The following EPHA5 variants were observed in gnomAD, a reference collection of about 807,000 sequenced individuals.
EPHA5 encodes the protein EPH receptor A5, also known as ephrin type-A receptor 5.
Under a neutral mutation model 105.0 loss-of-function variants are expected in EPHA5, and 60 were observed. The ratio of observed to expected loss-of-function variants is 0.57; its 90% CI spans 0.46 to 0.71. EPHA5 has a LOEUF of 0.71. EPHA5 is among the 30% of genes least tolerant of loss of function. The pLI is 0.00. For missense variants in EPHA5, 1,218 were observed against 1,274.7 expected (o/e 0.96, Z 0.68); for synonymous variants, 513 against 449.1 (o/e 1.14, Z -1.80).
At chr4:65,522,850 A>G (rs1423385142) in intron 3 of EPHA5, among the ~76,000 whole-genome samples, 2 of 151,954 alleles carry the variant, frequency 1.3e-5, no homozygotes, top group Non-Finnish European at 2.9e-5. Context: ...TCACTTATAC[A>G]ACAGGCCAAA....
At chr4:65,326,031 CAT>C (rs1011724770) in intron 16 of EPHA5, among the ~76,000 whole-genome samples, 3 of 146,248 alleles carry the variant, frequency 2.1e-5, no homozygotes, top group Middle Eastern at 3.6e-3. Flanking sequence ...ATATATATCT[CAT>C]ATATATATGT....
intron 2 of EPHA5, among the ~76,000 whole-genome samples, chr4:65,628,691 T>A (rs916308517): frequency 1.3e-5 from 2 of 152,168 alleles, no homozygotes; most frequent in African/African-American, 4.8e-5. Flanking sequence ...TTTAATGAAG[T>A]GACTATATTT....
intron 8 of EPHA5, among the ~76,000 whole-genome samples, chr4:65,395,921 T>C (rs915048240): frequency 1.3e-5 from 2 of 152,096 alleles, no homozygotes; most frequent in Non-Finnish European, 2.9e-5. Flanking sequence ...GGTGAGGCCA[T>C]GGTTATGCGC....
chr4:65,628,710 T>C (rs67521753), intron 2 of EPHA5, among the ~76,000 whole-genome samples: 31,377 of 152,116 alleles, frequency 0.21, 3,634 homozygotes, highest in Non-Finnish European at 0.25. Flanking sequence ...TTCAGGATTA[T>C]ACTCATGGTT....
At chr4:65,337,316 A>G (rs1464950189) in intron 14 of EPHA5, among the ~76,000 whole-genome samples, 1 of 152,062 alleles carries the variant, frequency 6.6e-6, no homozygotes, top group African/African-American at 2.4e-5. Context: ...ACAAGAATTC[A>G]TTCCTTCTAC....
intron 3 of EPHA5, among the ~76,000 whole-genome samples, chr4:65,595,330 TAAC>T (rs978381901): frequency 1.6e-4 from 24 of 152,046 alleles, no homozygotes; most frequent in African/African-American, 5.1e-4. Context: ...CCTACTACAA[TAAC>T]AACTTATAGA....
rs367668010 is a variant in EPHA5 at position 65,460,689 on chromosome 4, G to T, written c.1402+29688C>A. Reference sequence around the variant, plus strand: ...TAGAGACTTCTAAGTGTTCACAGTAGTTTTTTCAATTGATTTGTATGTATT... The same window carrying T: ...TAGAGACTTCTAAGTGTTCACAGTATTTTTTTCAATTGATTTGTATGTATT... On this transcript the variant is annotated intron_variant, in intron 5 of 16. Transcript: ENST00000613740. 8.6e-5 allele frequency among the ~76,000 whole-genome samples: 13 copies of T among 151,798 alleles called. No individual in the cohort carries two copies. In the South Asian group the frequency reaches 2.7e-3, roughly 31 times the overall value.
At chr4:65,580,683 T>G (rs1330593013) in intron 3 of EPHA5, among the ~76,000 whole-genome samples, 1 of 151,622 alleles carries the variant, frequency 6.6e-6, no homozygotes, top group Non-Finnish European at 1.5e-5. Context: ...TTTACAAAGA[T>G]CTCCCTCCTC....
intron 3 of EPHA5, among the ~76,000 whole-genome samples, chr4:65,578,183 T>C (rs1482557891): frequency 6.6e-6 from 1 of 152,122 alleles, no homozygotes; most frequent in Non-Finnish European, 1.5e-5. Context: ...TCCGAGTTTC[T>C]CATCTAACAC....
chr4:65,468,296 T>C (rs912707212), intron 5 of EPHA5, among the ~76,000 whole-genome samples: 2 of 151,806 alleles, frequency 1.3e-5, no homozygotes, highest in Non-Finnish European at 2.9e-5. Flanking sequence ...TTGAGATGGT[T>C]TGTTACATAT....
chr4:65,415,010 AAAACGTTTTTAT>A (rs1255068701), intron 6 of EPHA5, among the ~76,000 whole-genome samples: 4 of 152,236 alleles, frequency 2.6e-5, no homozygotes, highest in Admixed American at 6.5e-5. Flanking sequence ...GCAGATAAGC[AAAACGTTTTTAT>A]TTATCTTTGA....
intron 2 of EPHA5, among the ~76,000 whole-genome samples, chr4:65,632,028 T>C (rs1746683410): frequency 1.3e-5 from 2 of 152,044 alleles, no homozygotes; most frequent in South Asian, 4.1e-4. Flanking sequence ...GGGTCAGGTA[T>C]TGTGCTAAAC....
At chr4:65,406,313 A>G (rs936301006) in intron 7 of EPHA5, among the ~76,000 whole-genome samples, 2 of 152,182 alleles carry the variant, frequency 1.3e-5, no homozygotes, top group African/African-American at 4.8e-5. Context: ...TTTGAATTCC[A>G]CAGATGATAT....
At chr4:65,620,344 G>A (rs1054103766) in intron 2 of EPHA5, among the ~76,000 whole-genome samples, 3 of 151,942 alleles carry the variant, frequency 2.0e-5, no homozygotes, top group East Asian at 1.9e-4. Context: ...GACTTCTTGC[G>A]ATGCACACTG....
chr4:65,410,286 T>C (rs897386843), intron 7 of EPHA5, among the ~76,000 whole-genome samples: 2 of 152,198 alleles, frequency 1.3e-5, no homozygotes, highest in Non-Finnish European at 2.9e-5. Flanking sequence ...CAGGGAATCA[T>C]GCTAAGTGAA....
intron 1 of EPHA5, among the ~76,000 whole-genome samples, chr4:65,668,024 GA>G (rs1750101630): frequency 6.6e-6 from 1 of 152,032 alleles, no homozygotes; most frequent in Non-Finnish European, 1.5e-5. Flanking sequence ...AACTTTATCA[GA>G]AAGGGAAAAT....
chr4:65,387,719 G>A (rs1720247668), intron 8 of EPHA5, among the ~76,000 whole-genome samples: 1 of 151,868 alleles, frequency 6.6e-6, no homozygotes, highest in Non-Finnish European at 1.5e-5. Context: ...ATCATTAAGA[G>A]GTTCCCATGT....
intron 5 of EPHA5, among the ~76,000 whole-genome samples, chr4:65,451,874 T>C (rs116740970): frequency 4.9e-4 from 75 of 152,298 alleles, no homozygotes; most frequent in African/African-American, 1.7e-3. Context: ...AAATCAGACA[T>C]GGGCTATTGA....
intron 8 of EPHA5, among the ~76,000 whole-genome samples, chr4:65,403,355 C>T (rs965778172): frequency 1.3e-5 from 2 of 151,678 alleles, no homozygotes; most frequent in Non-Finnish European, 2.9e-5. Flanking sequence ...TCAATATGAA[C>T]ATTGATTTCC....
Sources: allele counts gnomAD v4.1 joint callset (sites outside exome capture counted in the v4.1 genomes callset), GRCh38; gene constraint gnomAD v4.1.1; transcripts MANE v1.5; gene names NCBI Gene and HGNC (gene_info 2026-07-23, HGNC 2026-07-21).